Variants in FAM193A observed in about 807,000 individuals in gnomAD.
FAM193A encodes protein FAM193A.
FAM193A carries 22 observed loss-of-function variants against 126.5 expected under a neutral mutation model. That is an observed-to-expected ratio of 0.17 (90% CI 0.12 to 0.25). The LOEUF is 0.25. Among genes scored for constraint, FAM193A ranks in the 10% least tolerant of loss-of-function variants. The pLI is 1.00. For synonymous variants in FAM193A, 761 were observed against 646.8 expected (o/e 1.18, Z -2.68); for missense variants, 1,675 against 1,672.8 (o/e 1.00, Z -0.02).
intron 18 of FAM193A, among the ~76,000 whole-genome samples, chr4:2,697,080 A>G (rs1018081148): frequency 6.6e-6 from 1 of 152,164 alleles, no homozygotes; most frequent in Non-Finnish European, 1.5e-5. Flanking sequence ...GCTGTTCCAG[A>G]TGAAGACCAG....
chr4:2,665,928 G>GCT (rs1713062065), intron 12 of FAM193A, among the ~76,000 whole-genome samples: 1 of 152,102 alleles, frequency 6.6e-6, no homozygotes, highest in African/African-American at 2.4e-5. Context: ...CTCACGGCAA[G>GCT]CTCTGCCTCC....
chr4:2,642,134 CA>C (rs35799531), intron 6 of FAM193A, among the ~76,000 whole-genome samples: 2,877 of 86,168 alleles, frequency 0.033, 55 homozygotes, highest in African/African-American at 0.065. Flanking sequence ...ACTAAAAATA[CA>C]AAAAAAAAAA....
intron 5 of FAM193A, among the ~76,000 whole-genome samples, chr4:2,633,993 A>G (rs1743854522): frequency 6.6e-6 from 1 of 152,222 alleles, no homozygotes. Context: ...ATCCTGAGAA[A>G]TACATGGGCT....
rs1184313428 is a variant in FAM193A, at chr4:2,700,333, A to G, written c.4161A>G (p.Lys1387=). The G allele has an allele frequency of 1.9e-6, 3 of 1,613,910 alleles. No individual in the cohort carries two copies. The highest frequency in any genetic ancestry group is 2.5e-6 in the Non-Finnish European group (3 of 1,180,016). ...ACCTCATGTCCATCACAGAGCAGAA[A>G]AGAGAGGAGAGAAAAGTCAACAGTA... is the stretch of plus-strand genomic sequence containing the variant. ...VVDLMSITEQ[K]REERKVNSNN... is the part of the protein sequence containing the mutation. The change falls in exon 19 of 21, where the codon AAA becomes AAG. Residue 1387 remains lysine (K), a synonymous_variant. Transcript: ENST00000637812.
At chr4:2,545,012 A>T (rs1361609525) in intron 1 of FAM193A, among the ~76,000 whole-genome samples, 16 of 149,642 alleles carry the variant, frequency 1.1e-4, no homozygotes, top group Non-Finnish European at 2.2e-4. Flanking sequence ...TTTTTTTTTG[A>T]GACGGAGTCT....
intron 20 of FAM193A, among the ~76,000 whole-genome samples, chr4:2,729,204 C>T (rs1284440163): frequency 6.6e-6 from 1 of 152,128 alleles, no homozygotes; most frequent in East Asian, 1.9e-4. Flanking sequence ...AGCATGTGCA[C>T]TAAGGCACAG....
In FAM193A at chr4:2,699,652, T is replaced by A. The variant is rs577662576; in HGVS notation, c.3508-28T>A. On this transcript the variant is annotated intron_variant, in intron 18 of 20. Transcript: ENST00000637812. Reference sequence around the variant, plus strand: ...TTAATTTTTAGCACTCACTGTAGTCTTAAATTGCCTTCTTTTTGCATTGGC... The same window carrying A: ...TTAATTTTTAGCACTCACTGTAGTCATAAATTGCCTTCTTTTTGCATTGGC... 4 of 1,570,870 alleles carry A rather than the reference T, an allele frequency of 2.5e-6. No homozygotes were observed. The South Asian group carries it at 4.8e-5, about 19-fold the overall frequency.
At chr4:2,541,008 C>T (rs1477642798) in intron 1 of FAM193A, among the ~76,000 whole-genome samples, 1 of 150,604 alleles carries the variant, frequency 6.6e-6, no homozygotes, top group Non-Finnish European at 1.5e-5. Flanking sequence ...CAGTGGCTGA[C>T]ACCTATAATC....
intron 2 of FAM193A, among the ~76,000 whole-genome samples, chr4:2,597,586 T>C (rs1039466826): frequency 1.2e-4 from 18 of 152,158 alleles, no homozygotes; most frequent in Admixed American, 1.2e-3. Flanking sequence ...AGCCCCCGGC[T>C]TGTCTTGGTA....
chr4:2,712,528 C>T lies in FAM193A; in HGVS notation c.4373-3495C>T, dbSNP rs1250963681. Among the ~76,000 whole-genome samples, 4 of 152,162 alleles carry T rather than the reference C, an allele frequency of 2.6e-5. No individual in the cohort carries two copies. The East Asian group carries it at 5.8e-4, about 22-fold the overall frequency. On this transcript the variant is annotated intron_variant, in intron 19 of 20. Transcript: ENST00000637812. ...CCCTGCTCTCCTTCGGCCCATTTGC[C>T]TGACGAGACAGCCTTGTCCTTGGCC...
intron 13 of FAM193A, among the ~76,000 whole-genome samples, chr4:2,673,360 C>G (rs1385483988): frequency 6.6e-6 from 1 of 152,114 alleles, no homozygotes. Flanking sequence ...CTCTAGGGGT[C>G]ACTGTGAAGT....
intron 20 of FAM193A, among the ~76,000 whole-genome samples, chr4:2,719,773 TCCC>T (rs58721155): frequency 3.8e-5 from 2 of 52,730 alleles, no homozygotes; most frequent in Non-Finnish European, 9.5e-5. Context: ...CCTTCCTTCC[TCCC>T]TCCCTCCCTC....
chr4:2,653,861 G>A (rs1471248786), intron 7 of FAM193A, among the ~76,000 whole-genome samples: 1 of 152,208 alleles, frequency 6.6e-6, no homozygotes, highest in Non-Finnish European at 1.5e-5. Context: ...AGTCATTCTG[G>A]AACCATGTAT....
At chr4:2,608,005 G>C in intron 2 of FAM193A, 5 of 1,594,140 alleles carry the variant, frequency 3.1e-6, no homozygotes, top group Non-Finnish European at 4.3e-6. Flanking sequence ...GCCCCTGCTG[G>C]GGTGTGAATG....
intron 1 of FAM193A, among the ~76,000 whole-genome samples, chr4:2,544,377 T>C (rs779140651): frequency 3.9e-5 from 6 of 151,948 alleles, no homozygotes; most frequent in Non-Finnish European, 8.8e-5. Flanking sequence ...TTGAGCTATG[T>C]AGTGAGACTC....
At chr4:2,676,890 G>C (rs929178476) in intron 13 of FAM193A, among the ~76,000 whole-genome samples, 19 of 151,918 alleles carry the variant, frequency 1.3e-4, no homozygotes, top group South Asian at 2.1e-4. Flanking sequence ...GCAGTGAGCC[G>C]AGATCACGTC....
chr4:2,620,726 G>A (rs1006474162), intron 2 of FAM193A, among the ~76,000 whole-genome samples: 7 of 147,886 alleles, frequency 4.7e-5, no homozygotes, highest in South Asian at 2.1e-4. Context: ...GTGGGCTCCC[G>A]TAATCCCAGC....
intron 2 of FAM193A, among the ~76,000 whole-genome samples, chr4:2,596,742 T>TTGAGG (rs1247638906): frequency 5.1e-5 from 3 of 58,528 alleles, no homozygotes; most frequent in African/African-American, 2.9e-4. Context: ...TTCAGCCTCT[T>TTGAGG]CGAGGCCACA....
In FAM193A at chr4:2,716,008, T is replaced by C. The variant is rs751666166; in HGVS notation, c.4373-15T>C. Reference sequence around the variant, plus strand: ...CTGCTGTAATTTGACTTGCTGCTTCTCTTTTGTTTTACAGATGATGTCTTT... The same window carrying C: ...CTGCTGTAATTTGACTTGCTGCTTCCCTTTTGTTTTACAGATGATGTCTTT... On this transcript the variant is annotated splice_polypyrimidine_tract_variant and intron_variant, in intron 19 of 20. Coordinates refer to ENST00000637812, the MANE Select transcript of FAM193A (RefSeq NM_001366318.2). 2.7e-6 allele frequency: 4 copies of C among 1,478,122 alleles called. No individual in the cohort carries two copies. Among genetic ancestry groups the C allele is most frequent in the Non-Finnish European group, 3.8e-6 (4 of 1,055,770 alleles). The allele number at this position is 1,478,122 out of a possible 1,614,324, so 91.6% of individuals were successfully genotyped here.
Sources: allele counts gnomAD v4.1 joint callset (sites outside exome capture counted in the v4.1 genomes callset), GRCh38; gene constraint gnomAD v4.1.1; transcripts MANE v1.5; gene names NCBI Gene and HGNC (gene_info 2026-07-23, HGNC 2026-07-21).